The following TCF20 variants were observed in gnomAD, a reference collection of about 807,000 sequenced individuals.
TCF20 encodes the protein SPRE-binding protein.
TCF20 carries 3 observed loss-of-function variants against 148.6 expected under a neutral mutation model. The observed-to-expected ratio is 0.02, with a 90% confidence interval of 0.01 to 0.05. The LOEUF is 0.05. Ranked by LOEUF, TCF20 falls within the 10% of genes least tolerant of loss-of-function variation. TCF20 has a pLI of 1.00. For synonymous variants in TCF20, 1,049 were observed against 909.5 expected (o/e 1.15, Z -2.76); for missense variants, 2,350 against 2,429.3 (o/e 0.97, Z 0.69).
upstream of TCF20, among the ~76,000 whole-genome samples, chr22:42,272,679 A>G (rs545811622): frequency 2.2e-4 from 33 of 152,248 alleles, no homozygotes; most frequent in African/African-American, 6.0e-4. Flanking sequence ...AAACTTCCCC[A>G]GTCCTTGGAC....
intron 2 of TCF20, among the ~76,000 whole-genome samples, chr22:42,195,837 C>T (rs1937580837): frequency 6.6e-6 from 1 of 152,188 alleles, no homozygotes; most frequent in Non-Finnish European, 1.5e-5. Flanking sequence ...ATTTAAATGG[C>T]ATCCAAAGGC....
At chr22:42,319,164 A>T (rs1207344346) in intron 1 of TCF20, among the ~76,000 whole-genome samples, 1 of 152,196 alleles carries the variant, frequency 6.6e-6, no homozygotes, top group Non-Finnish European at 1.5e-5. Context: ...AAGTCTAGGA[A>T]GACTTCCTGG....
upstream of TCF20, chr22:42,274,133 G>C (rs935808163): frequency 1.3e-5 from 2 of 152,740 alleles, no homozygotes; most frequent in Non-Finnish European, 2.9e-5. Context: ...CACCAAGAGG[G>C]AGGCCTGGAA....
chr22:42,308,993 T>G (rs373108240), intron 1 of TCF20, among the ~76,000 whole-genome samples: 1 of 152,070 alleles, frequency 6.6e-6, no homozygotes, highest in Non-Finnish European at 1.5e-5. Flanking sequence ...AGAGGGGCAC[T>G]GAACACCCAG....
At chr22:42,230,738 C>G (rs949719525) in intron 1 of TCF20, among the ~76,000 whole-genome samples, 3 of 151,988 alleles carry the variant, frequency 2.0e-5, no homozygotes, top group African/African-American at 7.3e-5. Flanking sequence ...TCCAGTGGGC[C>G]AAGATGTGAA....
At chr22:42,226,460 C>T (rs1044835199) in intron 1 of TCF20, among the ~76,000 whole-genome samples, 19 of 152,062 alleles carry the variant, frequency 1.2e-4, no homozygotes, top group African/African-American at 4.3e-4. Flanking sequence ...CCCAGCACTT[C>T]GGAAGGCTGA....
chr22:42,266,133 G>A (rs183310956), intron 1 of TCF20, among the ~76,000 whole-genome samples: 1 of 151,056 alleles, frequency 6.6e-6, no homozygotes, highest in East Asian at 1.9e-4. Flanking sequence ...TTCCAGGGCC[G>A]CACTTACCAC....
Position 42,279,893 on chromosome 22 carries a change from A to G in TCF20, c.-37+3934T>C, listed in dbSNP as rs1266921931. Among the ~76,000 whole-genome samples the G allele has an allele frequency of 6.6e-6, 1 of 152,100 alleles. No homozygotes were observed. Among genetic ancestry groups the G allele is most frequent in the Non-Finnish European group, 1.5e-5 (1 of 67,994 alleles). ...GATGTGGCTCCCCAGCCCCGTAGAC[A>G]CCACCCCAGGTGCTCCTCACAGGTG... On this transcript the variant is annotated intron_variant, in intron 1 of 5. Coordinates refer to the TCF20 transcript ENST00000359486. The surrounding 1 kb of genome is among the most constrained non-coding windows in gnomAD (Gnocchi z 4.3).
chr22:42,306,493 T>A (rs1442140812), intron 1 of TCF20, among the ~76,000 whole-genome samples: 1 of 152,188 alleles, frequency 6.6e-6, no homozygotes, highest in Non-Finnish European at 1.5e-5. Flanking sequence ...TTGCCCTCCA[T>A]TACCTCTACT....
intron 1 of TCF20, among the ~76,000 whole-genome samples, chr22:42,315,832 G>A (rs1229117953): frequency 6.6e-6 from 1 of 152,166 alleles, no homozygotes; most frequent in Non-Finnish European, 1.5e-5. Context: ...ATAAAGACAA[G>A]GCTGGGCGTG....
At chr22:42,264,043 G>C (rs1184656933) in intron 1 of TCF20, among the ~76,000 whole-genome samples, 4 of 152,094 alleles carry the variant, frequency 2.6e-5, no homozygotes, top group Non-Finnish European at 5.9e-5. Flanking sequence ...TGGAAAGGAT[G>C]GGAGAAGGCA....
chr22:42,324,136 GTGGTGGTGGTGATAGAGGTTATGGTGA>G (rs1319234521), intron 1 of TCF20, among the ~76,000 whole-genome samples: 1 of 123,562 alleles, frequency 8.1e-6, no homozygotes, highest in African/African-American at 2.7e-5. Flanking sequence ...GGTGGTGGTG[GTGGTGGTGGTGATAGAGGTTATGGTGA>G]TGGTGGTGGT....
rs759118027 is a variant in TCF20 at position 42,216,079 on chromosome 22, C to CTTTTTTTTTTTTTTTTTTTTTTT, written c.-36-761_-36-739dup. On this transcript the variant is annotated intron_variant, in intron 1 of 5. Transcript: ENST00000677622. ...GGTGTGGGGTAAGAAAAACCAAATC[C>CTTTTTTTTTTTTTTTTTTTTTTT]TTTTTTTTTTTTTTTTTTTTTTTTT... 3.4e-4 allele frequency among the ~76,000 whole-genome samples: 17 copies of CTTTTTTTTTTTTTTTTTTTTTTT among 50,572 alleles called. 4 individuals are homozygous for CTTTTTTTTTTTTTTTTTTTTTTT. The highest frequency in any genetic ancestry group is 6.8e-4 in the African/African-American group (8 of 11,834). 33.2% of individuals were successfully genotyped at this position (50,572 alleles called of 152,430 possible). A position where few individuals can be genotyped will look rare whatever the true frequency, so the allele number is the denominator to read the frequency against.
At position 42,331,485 on chromosome 22, in the gene TCF20, G is replaced by C. The variant is rs373046952; in HGVS notation, c.-37+11994C>G. Among the ~76,000 whole-genome samples, 12 of 152,236 alleles carry C rather than the reference G, an allele frequency of 7.9e-5. No individual in the cohort carries two copies. In the East Asian group the frequency reaches 9.6e-4, roughly 12 times the overall value. ...GGGGTTAAGTCAGACAGGAACCCAG[G>C]TCCACCAGGGACCCCCATCACCAGC... is the stretch of plus-strand genomic sequence containing the variant. On this transcript the variant is annotated intron_variant, in intron 1 of 1. Transcript: ENST00000515426.
intron 1 of TCF20, among the ~76,000 whole-genome samples, chr22:42,302,124 G>C (rs1927347663): frequency 1.3e-5 from 2 of 152,198 alleles, no homozygotes; most frequent in Non-Finnish European, 2.9e-5. Context: ...GGGCCAGTCT[G>C]GGAGAGCTGA....
At chr22:42,233,206 G>C (rs181877542) in intron 1 of TCF20, among the ~76,000 whole-genome samples, 1 of 152,168 alleles carries the variant, frequency 6.6e-6, no homozygotes, top group African/African-American at 2.4e-5. Flanking sequence ...ACAGGTGTGA[G>C]CCATCACACC....
chr22:42,304,953 G>A (rs1419124163), intron 1 of TCF20, among the ~76,000 whole-genome samples: 1 of 152,040 alleles, frequency 6.6e-6, no homozygotes, highest in African/African-American at 2.4e-5. Context: ...CCGTACTCTT[G>A]GGGGTTTGTC....
chr22:42,213,496 C>T lies in TCF20; in HGVS notation c.1810G>A (p.Val604Ile). Reference protein sequence around the residue: ...DGNPKVNEKTVGVIVSREAMT... With the variant: ...DGNPKVNEKTIGVIVSREAMT... ...GCTTCCCGGGAGACAATCACCCCAA[C>T]AGTCTTCTCATTAACCTTTGGGTTC... The change falls in exon 2 of 6, where the codon GTT becomes ATT. Residue 604 changes from valine to isoleucine, a missense_variant. By Grantham distance (29) the Val-to-Ile change is conservative. This residue lies in a region of TCF20 where 1,641 missense variants were observed against 1,662.6 expected (regional missense o/e 0.99). Transcript: ENST00000677622. 6.2e-7 allele frequency: 1 copy of T among 1,614,234 alleles called. No individual in the cohort carries two copies. Among genetic ancestry groups the T allele is most frequent in the Non-Finnish European group, 8.5e-7 (1 of 1,180,036 alleles).
At chr22:42,188,803 G>A (rs745997580) in intron 2 of TCF20, among the ~76,000 whole-genome samples, 6 of 152,138 alleles carry the variant, frequency 3.9e-5, no homozygotes, top group Non-Finnish European at 4.4e-5. Flanking sequence ...GTGTGCAGGG[G>A]CTGAAATGGG....
Sources: allele counts gnomAD v4.1 joint callset (sites outside exome capture counted in the v4.1 genomes callset), GRCh38; gene constraint gnomAD v4.1.1; regional missense constraint gnomAD v4.1.1; non-coding constraint Gnocchi (gnomAD v3.1); transcripts MANE v1.5; gene names NCBI Gene and HGNC (gene_info 2026-07-23, HGNC 2026-07-21).